Variants in SYNE1 observed in about 807,000 individuals in gnomAD.
SYNE1 encodes spectrin repeat containing nuclear envelope protein 1, also known as nesprin-1.
SYNE1 carries 616 observed loss-of-function variants against 1,111.0 expected under a neutral mutation model. That is an observed-to-expected ratio of 0.55 (90% confidence interval 0.52 to 0.59). The LOEUF (loss-of-function observed/expected upper bound fraction) is 0.59. Among genes scored for constraint, SYNE1 ranks in the 20% least tolerant of loss-of-function variants. SYNE1 has a pLI of 0.00. For missense variants in SYNE1, 10,006 were observed against 10,417.0 expected, an observed-to-expected ratio of 0.96 and a Z score of 1.72; for synonymous variants, 3,855 against 3,825.8, an observed-to-expected ratio of 1.01 and a Z score of -0.28.
intron 98 of SYNE1, 72 bp downstream of exon 98, chr6:152,278,017 T>C: frequency 6.4e-7 from 1 of 1,562,720 alleles, no homozygotes; most frequent in Non-Finnish European, 8.8e-7. Flanking sequence ...TTCCTTTACC[T>C]GGCAAACCTT....
Position 152,242,408 on chromosome 6 carries a change from GC to G in SYNE1, c.19724del (p.Gly6575AlafsTer7). ...DMYDELMMII[G>X]SRRSGLNQNL... ...TCTGATTCAGACCACTCCTCCGGGA[GC>G]CAATGATCATCATCAGCTCATCATA... On this transcript the variant is annotated frameshift_variant, in exon 107 of 146. Transcript: ENST00000367255. LOFTEE classifies it high-confidence loss of function. The G allele has an allele frequency of 3.7e-6, 6 of 1,613,984 alleles. No homozygotes were observed. Among genetic ancestry groups the G allele is most frequent in the Non-Finnish European group, 5.1e-6 (6 of 1,180,000 alleles).
At chr6:152,425,260 G>T in intron 39 of SYNE1, 121 bp downstream of exon 39, 1 of 1,042,226 alleles carries the variant, frequency 9.6e-7, no homozygotes, top group Non-Finnish European at 1.4e-6. Flanking sequence ...CTTCCCTTCT[G>T]TAGTTATCAG....
intron 4 of SYNE1, among the ~76,000 whole-genome samples, chr6:152,539,096 A>C (rs988815312): frequency 1.5e-4 from 23 of 152,304 alleles, no homozygotes; most frequent in South Asian, 4.1e-4. Context: ...TACATACTAC[A>C]GGCACCACTC....
rs2096752876 is a variant in SYNE1, at chr6:152,352,187, T to C, written c.11420A>G (p.Glu3807Gly). The C allele has an allele frequency of 6.2e-7, 1 of 1,614,222 alleles. No homozygotes were observed. Among genetic ancestry groups the C allele is most frequent in the Non-Finnish European group, 8.5e-7 (1 of 1,180,038 alleles). ...AAGACCTTTTTCCAGCGTCATGTGT[T>C]CTTTCCGGACAGTGCTGGTCAGTTC... ...LKELTSTVRK[E>G]HMTLEKGLHL... is the part of the protein sequence containing the mutation. Residue 3807 changes from glutamate (E) to glycine (G), a missense_variant, in exon 70 of 146, where the codon GAA (glutamate) becomes GGA (glycine). By Grantham distance (98) the Glu-to-Gly change is moderately conservative (BLOSUM62 -2). This residue lies in a region of SYNE1 where 4,955 missense variants were observed against 5,017.2 expected (regional missense o/e 0.99). Transcript: ENST00000367255.
intron 74 of SYNE1, among the ~76,000 whole-genome samples, chr6:152,341,340 T>A (rs2096530445): frequency 6.6e-6 from 1 of 152,210 alleles, no homozygotes; most frequent in Non-Finnish European, 1.5e-5. Context: ...GGAATGATGG[T>A]ATGATTTATA....
At position 152,428,266 on chromosome 6, in the gene SYNE1, T is replaced by C. The variant is rs1482378359; in HGVS notation, c.4915A>G (p.Ile1639Val). 4 of 1,614,142 alleles carry C rather than the reference T, an allele frequency of 2.5e-6. No homozygotes were observed. The highest frequency in any genetic ancestry group is 1.7e-5 in the Admixed American group (1 of 60,016). ...TGTCTCTCCTTCGCCCTCCTTAGGA[T>C]GTCCTCGTATTGCTGCTGTAGAGCC... Reference protein sequence around the residue: ...AAALQQQYEDILRRAKERQTA... With the variant: ...AAALQQQYEDVLRRAKERQTA... Residue 1639 changes from isoleucine to valine, a missense_variant, in exon 37 of 146, where the codon ATC becomes GTC. Transcript: ENST00000367255.
chr6:152,369,126 G>A lies in SYNE1; in HGVS notation c.9653C>T (p.Ser3218Phe). 1.2e-6 allele frequency: 2 copies of A among 1,613,034 alleles called. No individual in the cohort carries two copies. Among genetic ancestry groups the A allele is most frequent in the Non-Finnish European group, 1.7e-6 (2 of 1,180,012 alleles). Residue 3218 changes from serine to phenylalanine, a missense_variant and splice_region_variant, in exon 61 of 146, where the codon TCT (serine) becomes TTT (phenylalanine). By Grantham distance (155) the Ser-to-Phe change is radical. Transcript: ENST00000367255. ...GTAGCAGTGTATTTCCTCAAGGACA[G>A]ACTGAAAAGCACAAGCAAGTTACTA... ...AKRREQQKLQSVLEEIHCYEP... is the reference protein window; with the variant it reads ...AKRREQQKLQFVLEEIHCYEP...
At position 152,304,395 on chromosome 6, in the gene SYNE1, C is replaced by T. The variant is rs113654356; in HGVS notation, c.17347-2332G>A. On this transcript the variant is annotated intron_variant, in intron 91 of 145. Coordinates refer to ENST00000367255, the MANE Select transcript of SYNE1 (RefSeq NM_182961.4). ...TGTCACCCAGGCTGGAGTGCAGTGG[C>T]GCAATCTCGGCTCACTGCAACCTCC... 1.1e-3 allele frequency among the ~76,000 whole-genome samples: 174 copies of T among 152,186 alleles called. 1 individual carries two copies. The highest frequency in any genetic ancestry group is 4.0e-3 in the African/African-American group (167 of 41,544).
At chr6:152,541,894 G>A (rs2099272652) in intron 3 of SYNE1, among the ~76,000 whole-genome samples, 2 of 151,324 alleles carry the variant, frequency 1.3e-5, no homozygotes, top group African/African-American at 4.9e-5. Flanking sequence ...AAAACTCAGC[G>A]ACACACAATT....
chr6:152,234,704 C>A lies in SYNE1; in HGVS notation c.20493G>T (p.Glu6831Asp). 6.2e-7 allele frequency: 1 copy of A among 1,614,232 alleles called. No individual in the cohort carries two copies. The highest frequency in any genetic ancestry group is 1.1e-5 in the South Asian group (1 of 91,088). Residue 6831 changes from glutamate (E) to aspartate (D), a missense_variant, in exon 111 of 146, where the codon GAG (glutamate) becomes GAT (aspartate). Coordinates refer to ENST00000367255, the MANE Select transcript of SYNE1 (RefSeq NM_182961.4). ...WTQQSVTVPQ[E>D]LEMVRDHLNA... ...TTAGATGATCACGGACCATTTCCAG[C>A]TCTTGTGGGACTGTCACAGATTGCT...
chr6:152,300,811 T>G (rs1439923603), intron 92 of SYNE1, 30 bp from the exon 93 acceptor site: 2 of 1,614,144 alleles, frequency 1.2e-6, no homozygotes, highest in Non-Finnish European at 1.7e-6. Flanking sequence ...CCAAAGGACA[T>G]GAAAATCAAT....
At chr6:152,173,568 C>A (rs1259541241) in intron 130 of SYNE1, among the ~76,000 whole-genome samples, 1 of 152,172 alleles carries the variant, frequency 6.6e-6, no homozygotes, top group Non-Finnish European at 1.5e-5. Flanking sequence ...CCAATCTGTG[C>A]ACTAACGAAG....
chr6:152,218,906 G>A, intron 120 of SYNE1, 97 bp downstream of exon 120: 1 of 1,261,046 alleles, frequency 7.9e-7, no homozygotes, highest in Non-Finnish European at 1.1e-6. Flanking sequence ...TCTTGAAGGA[G>A]GCATTGTTGC....
chr6:152,409,893 C>T (rs749270861), intron 42 of SYNE1, among the ~76,000 whole-genome samples, 184 bp from the exon 43 acceptor site: 3 of 152,230 alleles, frequency 2.0e-5, no homozygotes, highest in South Asian at 2.1e-4. Context: ...AAATATTCTC[C>T]GTGAATGAGG....
intron 6 of SYNE1, 83 bp downstream of exon 6, chr6:152,520,376 G>C: frequency 7.7e-7 from 1 of 1,306,484 alleles, no homozygotes; most frequent in Non-Finnish European, 1.1e-6. Flanking sequence ...CCTCCTATCT[G>C]ACTACAGATA....
Position 152,331,776 on chromosome 6 carries a change from TATC to T in SYNE1, c.12906_12908del (p.Met4302del), listed in dbSNP as rs764019146. 1 of 1,614,242 alleles carries T rather than the reference TATC, an allele frequency of 6.2e-7. No homozygotes were observed. ...CCTTGTCATCTAAATTCAGATGCTC[TATC>T]ATTTTCTGCTTTTGATCTTTCAGAT... On this transcript the variant is annotated inframe_deletion, in exon 78 of 146. Coordinates refer to ENST00000367255, the MANE Select transcript of SYNE1 (RefSeq NM_182961.4).
intron 32 of SYNE1, among the ~76,000 whole-genome samples, chr6:152,438,174 A>T (rs2154219035): frequency 6.6e-6 from 1 of 152,312 alleles, no homozygotes; most frequent in East Asian, 1.9e-4. Flanking sequence ...GGATAAAAGC[A>T]CCCACTGTTA....
Position 152,136,740 on chromosome 6 carries a change from C to T in SYNE1, c.25537G>A (p.Asp8513Asn). ...NLCSPEFTQA[D>N]SKESRDLQDR... ...TGCAGGTCCCGGCTCTCCTTGCTGT[C>T]AGCCTGGGTGAACTCAGGGCTGCAG... is the stretch of plus-strand genomic sequence containing the variant. The change falls in exon 141 of 146, where the codon GAC becomes AAC. Residue 8513 changes from aspartate to asparagine, a missense_variant. By Grantham distance (23) the Asp-to-Asn change is conservative. This residue lies in a region of SYNE1 where 761 missense variants were observed against 795.5 expected (regional missense o/e 0.96). Transcript: ENST00000367255. 6.2e-7 allele frequency: 1 copy of T among 1,614,250 alleles called. No homozygotes were observed. Among genetic ancestry groups the T allele is most frequent in the South Asian group, 1.1e-5 (1 of 91,080 alleles).
At chr6:152,374,213 C>T (rs932573916) in intron 58 of SYNE1, among the ~76,000 whole-genome samples, 2 of 152,140 alleles carry the variant, frequency 1.3e-5, no homozygotes, top group Admixed American at 1.3e-4. Flanking sequence ...TTTCATGTGG[C>T]TAGAGCTCAA....
Sources: allele counts gnomAD v4.1 joint callset (sites outside exome capture counted in the v4.1 genomes callset), GRCh38; gene constraint gnomAD v4.1.1; regional missense constraint gnomAD v4.1.1; transcripts MANE v1.5; gene names NCBI Gene and HGNC (gene_info 2026-07-23, HGNC 2026-07-21).